CORO6: variants seen among roughly 807,000 people sequenced by gnomAD.
CORO6 encodes coronin-6.
CORO6 carries 43 observed loss-of-function variants against 49.0 expected under a neutral mutation model. That is an observed-to-expected ratio of 0.88 (90% confidence interval 0.69 to 1.13). The LOEUF (loss-of-function observed/expected upper bound fraction) is 1.13. Ranked by LOEUF, CORO6 falls within the 50% of genes most tolerant of loss-of-function variation. CORO6 has a pLI of 0.00. For synonymous variants in CORO6, 233 were observed against 256.5 expected, an observed-to-expected ratio of 0.91 and a Z score of 0.88; for missense variants, 650 against 647.0, an observed-to-expected ratio of 1.00 and a Z score of -0.05.
chr17:29,617,547 T>G lies in CORO6; in HGVS notation c.706A>C (p.Thr236Pro). ...CGCTGGCTCATGCGGGTGAAGCCCG[T>G]GGTGAAGATATGGCCCTGGCGCGTG... ...VFTRQGHIFT[T>P]GFTRMSQREL... Residue 236 changes from threonine to proline, a missense_variant, in exon 6 of 11, where the codon ACG becomes CCG. Thr to Pro is a conservative substitution (Grantham distance 38). Coordinates refer to ENST00000388767, the MANE Select transcript of CORO6 (RefSeq NM_032854.4). The G allele has an allele frequency of 6.2e-7, 1 of 1,611,130 alleles. No individual in the cohort carries two copies. Among genetic ancestry groups the G allele is most frequent in the Non-Finnish European group, 8.5e-7 (1 of 1,179,628 alleles).
intron 1 of CORO6, chr17:29,622,260 T>C (rs1193083460): frequency 6.5e-6 from 1 of 153,788 alleles, no homozygotes; most frequent in African/African-American, 2.4e-5. Flanking sequence ...TTCAACCCCA[T>C]CCTCCACCCC....
At position 29,617,014 on chromosome 17, in the gene CORO6, T is replaced by C; in HGVS notation, c.782A>G (p.Gln261Arg). 2 of 1,613,688 alleles carry C rather than the reference T, an allele frequency of 1.2e-6. No homozygotes were observed. Among genetic ancestry groups the C allele is most frequent in the Non-Finnish European group, 1.7e-6 (2 of 1,179,986 alleles). ...GACCCCGTTGCTTGTGTCCATCTCC[T>C]GCAGTGCCACTGGCTCCTCGAAGTT... ...PNNFEEPVAL[Q>R]EMDTSNGVLL... The change falls in exon 7 of 11, where the codon CAG becomes CGG. Residue 261 changes from glutamine to arginine, a missense_variant. By Grantham distance (43) the Gln-to-Arg change is conservative (BLOSUM62 1). Transcript: ENST00000388767.
At chr17:29,618,682 C>T (rs749090830) in intron 5 of CORO6, 108 bp downstream of exon 5, 947 of 1,455,238 alleles carry the variant, frequency 6.5e-4, no homozygotes, top group Admixed American at 8.4e-4. Context: ...AGCAGGGATG[C>T]GACAGGTGAA....
Position 29,615,850 on chromosome 17 carries a change from T to C in CORO6, c.1301A>G (p.His434Arg). ...SASDAPLSQQHTLETLLEEIK... is the reference protein window; with the variant it reads ...SASDAPLSQQRTLETLLEEIK... ...CTCTTCCAGCAGCGTCTCCAGGGTG[T>C]GCTGCTGCTGGGGCGGAGGACAGAG... is the stretch of plus-strand genomic sequence containing the variant. The change falls in exon 11 of 11, where the codon CAC becomes CGC. Residue 434 changes from histidine (H) to arginine (R), a missense_variant. By Grantham distance (29) the His-to-Arg change is conservative. Coordinates refer to ENST00000388767, the MANE Select transcript of CORO6 (RefSeq NM_032854.4). The C allele has an allele frequency of 1.3e-6, 2 of 1,597,610 alleles. No individual in the cohort carries two copies. Among genetic ancestry groups the C allele is most frequent in the Admixed American group, 1.7e-5 (1 of 57,510 alleles).
At position 29,622,773 on chromosome 17, in the gene CORO6, A is replaced by G; in HGVS notation, c.-149T>C. 1 of 1,320,812 alleles carries G rather than the reference A, an allele frequency of 7.6e-7. No homozygotes were observed. The highest frequency in any genetic ancestry group is 1.5e-5 in the African/African-American group (1 of 66,694). The allele number at this position is 1,320,812 out of a possible 1,614,324, so 81.8% of individuals were successfully genotyped here. A position where few individuals can be genotyped will look rare whatever the true frequency, so the allele number is the denominator to read the frequency against. Reference sequence around the variant, plus strand: ...TGCGTAGGGGGCCGAGGAAGGCTTCAGGGCGAAGGAGCCACCTCTCCGGGT... The same window carrying G: ...TGCGTAGGGGGCCGAGGAAGGCTTCGGGGCGAAGGAGCCACCTCTCCGGGT... On this transcript the variant is annotated 5_prime_UTR_variant, in exon 1 of 11. Coordinates refer to ENST00000388767, the MANE Select transcript of CORO6 (RefSeq NM_032854.4).
In CORO6 at chr17:29,617,948, C is replaced by A. The variant is rs980411126; in HGVS notation, c.634-329G>T. 38 of 1,049,534 alleles carry A rather than the reference C, an allele frequency of 3.6e-5. No homozygotes were observed. The African/African-American group carries it at 5.7e-4, about 16-fold the overall frequency. 65.0% of individuals were successfully genotyped at this position (1,049,534 alleles called of 1,614,324 possible). A position where few individuals can be genotyped will look rare whatever the true frequency, so the allele number is the denominator to read the frequency against. On this transcript the variant is annotated intron_variant, in intron 5 of 10. Coordinates refer to ENST00000388767, the MANE Select transcript of CORO6 (RefSeq NM_032854.4). ...GCTTTTCCCGAATGGGAGCTCCCCG[C>A]TCCGCTCTGGCCTCTTGGGCGCCAG...
In CORO6 at chr17:29,616,248, G is replaced by GCC; in HGVS notation, c.1062+29_1062+30dup. On this transcript the variant is annotated intron_variant, in intron 9 of 10. Transcript: ENST00000388767. The surrounding 1 kb of genome is among the most constrained non-coding windows in gnomAD (Gnocchi z 5.6). ...TTGCTCCGCTCCCTTCCGCCTCGTAGCCCTGCCCAACCCTTCTCCCGGCCC... is the reference window on the plus strand; with the variant it reads ...TTGCTCCGCTCCCTTCCGCCTCGTAGCCCCCTGCCCAACCCTTCTCCCGGCCC... 1 of 1,611,018 alleles carries GCC rather than the reference G, an allele frequency of 6.2e-7. No homozygotes were observed.
At chr17:29,620,987 T>C (rs1008917448) in intron 2 of CORO6, among the ~76,000 whole-genome samples, 1 of 152,012 alleles carries the variant, frequency 6.6e-6, no homozygotes, top group African/African-American at 2.4e-5. Flanking sequence ...CTGCTGGGAA[T>C]GGGGTGGTGC....
At position 29,617,627 on chromosome 17, in the gene CORO6, G is replaced by A; in HGVS notation, c.634-8C>T. 6.3e-7 allele frequency: 1 copy of A among 1,586,264 alleles called. No homozygotes were observed. The highest frequency in any genetic ancestry group is 8.6e-7 in the Non-Finnish European group (1 of 1,168,192). Reference sequence around the variant, plus strand: ...GTGGGCCGCAAACCTCTCCTGGGGGGAGGGGGAGACAGGGAGGGACATCAC... The same window carrying A: ...GTGGGCCGCAAACCTCTCCTGGGGGAAGGGGGAGACAGGGAGGGACATCAC... On this transcript the variant is annotated splice_region_variant and splice_polypyrimidine_tract_variant and intron_variant, in intron 5 of 10. Coordinates refer to ENST00000388767, the MANE Select transcript of CORO6 (RefSeq NM_032854.4).
In CORO6 at chr17:29,622,758, G is replaced by A. The variant is rs1435277606; in HGVS notation, c.-134C>T. The A allele has an allele frequency of 1.5e-6, 2 of 1,321,730 alleles. No homozygotes were observed. Among genetic ancestry groups the A allele is most frequent in the East Asian group, 5.2e-5 (1 of 19,384 alleles). 81.9% of individuals were successfully genotyped at this position (1,321,730 alleles called of 1,614,324 possible). On this transcript the variant is annotated 5_prime_UTR_variant, in exon 1 of 11. Transcript: ENST00000388767. ...CGGAAGGGGCCCGAGTGCGTAGGGG[G>A]CCGAGGAAGGCTTCAGGGCGAAGGA...
chr17:29,619,296 G>C, intron 3 of CORO6, 107 bp from the exon 4 acceptor site: 1 of 1,374,140 alleles, frequency 7.3e-7, no homozygotes, highest in Non-Finnish European at 1.0e-6. Flanking sequence ...TGAGTGGTAA[G>C]GGTCAAATAC....
chr17:29,618,098 T>C, intron 5 of CORO6: 1 of 1,477,584 alleles, frequency 6.8e-7, no homozygotes. Flanking sequence ...AAGCCGGTGC[T>C]GAGCAGCTTC....
rs373788306 is a variant in CORO6 at position 29,615,899 on chromosome 17, T to C, written c.1294-42A>G. 4 of 1,571,186 alleles carry C rather than the reference T, an allele frequency of 2.5e-6. No homozygotes were observed. The African/African-American group carries it at 4.3e-5, about 17-fold the overall frequency. On this transcript the variant is annotated intron_variant, in intron 10 of 10. Coordinates refer to ENST00000388767, the MANE Select transcript of CORO6 (RefSeq NM_032854.4). ...AGAGGCCGTGTCGTATAGGGGCGGTTGGGGGAGATGTAGATTGGGCCAGAG... is the reference window on the plus strand; with the variant it reads ...AGAGGCCGTGTCGTATAGGGGCGGTCGGGGGAGATGTAGATTGGGCCAGAG...
In CORO6 at chr17:29,615,822, G is replaced by C. The variant is rs763359207; in HGVS notation, c.1329C>G (p.Ile443Met). The C allele has an allele frequency of 1.2e-4, 190 of 1,582,032 alleles. 2 individuals carry two copies. The highest frequency in any genetic ancestry group is 3.5e-4 in the Admixed American group (19 of 55,024). Residue 443 changes from isoleucine (I) to methionine (M), a missense_variant, in exon 11 of 11, where the codon ATC becomes ATG. By Grantham distance (10) the Ile-to-Met change is conservative (BLOSUM62 1). Transcript: ENST00000388767. ...QHTLETLLEE[I>M]KALRERVQAQ... Reference sequence around the variant, plus strand: ...CCTGCACCCGCTCGCGGAGGGCCTTGATCTCTTCCAGCAGCGTCTCCAGGG... The same window carrying C: ...CCTGCACCCGCTCGCGGAGGGCCTTCATCTCTTCCAGCAGCGTCTCCAGGG...
Position 29,615,574 on chromosome 17 carries a change from G to C in CORO6, c.*158C>G. The C allele has an allele frequency of 1.3e-6, 1 of 786,424 alleles. No homozygotes were observed. The highest frequency in any genetic ancestry group is 1.9e-6 in the Non-Finnish European group (1 of 520,914). The allele number at this position is 786,424 out of a possible 1,614,324, so 48.7% of individuals were successfully genotyped here. A position where few individuals can be genotyped will look rare whatever the true frequency, so the allele number is the denominator to read the frequency against. ...CTGGAGCGACGTGGGTCTCCCCTAA[G>C]CTCCAAGAGTTCTGGTCTCCCGCGA... On this transcript the variant is annotated 3_prime_UTR_variant, in exon 11 of 11. Coordinates refer to ENST00000388767, the MANE Select transcript of CORO6 (RefSeq NM_032854.4).
chr17:29,617,866 C>T, intron 5 of CORO6: 2 of 690,678 alleles, frequency 2.9e-6, no homozygotes, highest in Non-Finnish European at 4.6e-6. Flanking sequence ...CTTAAGCGCG[C>T]TCAAAGGCCG....
In CORO6 at chr17:29,615,547, C is replaced by G; in HGVS notation, c.*185G>C. 1 of 635,004 alleles carries G rather than the reference C, an allele frequency of 1.6e-6. No individual in the cohort carries two copies. Among genetic ancestry groups the G allele is most frequent in the Non-Finnish European group, 2.5e-6 (1 of 394,114 alleles). 39.3% of individuals were successfully genotyped at this position (635,004 alleles called of 1,614,324 possible). A position where few individuals can be genotyped will look rare whatever the true frequency, so the allele number is the denominator to read the frequency against. ...CAGACGAGGCTCGCAGTCCAGCCTC[C>G]GCTGGAGCGACGTGGGTCTCCCCTA... On this transcript the variant is annotated 3_prime_UTR_variant, in exon 11 of 11. Transcript: ENST00000388767.
In CORO6 at chr17:29,616,567, C is replaced by T; in HGVS notation, c.1004+135G>A. ...AGGCTAGTGAGCGGTGGGTCTGGCA[C>T]TGAAACAGAGCTGTCTTATCCCCCC... On this transcript the variant is annotated intron_variant, in intron 8 of 10. Coordinates refer to ENST00000388767, the MANE Select transcript of CORO6 (RefSeq NM_032854.4). This position sits in a 1 kb window ranked among gnomAD's most constrained non-coding sequence, Gnocchi z 5.6. 1 of 1,237,006 alleles carries T rather than the reference C, an allele frequency of 8.1e-7. No individual in the cohort carries two copies. The highest frequency in any genetic ancestry group is 1.1e-6 in the Non-Finnish European group (1 of 879,218). The allele number at this position is 1,237,006 out of a possible 1,614,324, so 76.6% of individuals were successfully genotyped here.
intron 1 of CORO6, chr17:29,622,043 T>C: frequency 6.4e-6 from 1 of 156,424 alleles, no homozygotes; most frequent in Non-Finnish European, 1.4e-5. Flanking sequence ...TCTGCTACTG[T>C]TTTCATCCCA....
Sources: allele counts gnomAD v4.1 joint callset (sites outside exome capture counted in the v4.1 genomes callset), GRCh38; gene constraint gnomAD v4.1.1; non-coding constraint Gnocchi (gnomAD v3.1); transcripts MANE v1.5; gene names NCBI Gene and HGNC (gene_info 2026-07-23, HGNC 2026-07-21).